DYNLL1: variants seen among roughly 807,000 people sequenced by gnomAD.
DYNLL1 encodes the protein dynein light chain 1, cytoplasmic.
DYNLL1 carries 3 observed loss-of-function variants against 10.1 expected under a neutral mutation model. The observed-to-expected ratio is 0.30, with a 90% CI of 0.14 to 0.77. The LOEUF (loss-of-function observed/expected upper bound fraction) is 0.77, where lower values mean the gene tolerates loss of function less well. DYNLL1 is among the 30% of genes least tolerant of loss of function. The pLI, the probability that DYNLL1 is intolerant of heterozygous loss-of-function variation, is 0.66. For missense variants in DYNLL1, 47 were observed against 111.7 expected (o/e 0.42, Z 2.61); for synonymous variants, 46 against 41.2 (o/e 1.12, Z -0.45).
At chr12:120,485,315 G>A (rs1878969652) in intron 1 of DYNLL1, among the ~76,000 whole-genome samples, 1 of 135,818 alleles carries the variant, frequency 7.4e-6, no homozygotes, top group African/African-American at 2.8e-5. Context: ...GGAGTGCAGT[G>A]GCACGATCTC....
chr12:120,491,889 C>T (rs1879140786), upstream of DYNLL1: 1 of 152,228 alleles, frequency 6.6e-6, no homozygotes, highest in Non-Finnish European at 1.5e-5. Context: ...ATCCATCCAA[C>T]ACATATTTAG....
intron 2 of DYNLL1, chr12:120,497,797 G>T (rs1313222823): frequency 7.5e-6 from 3 of 402,238 alleles, no homozygotes; most frequent in Non-Finnish European, 1.3e-5. Context: ...AAGGTATGAA[G>T]GTGTAATTAC....
rs779312787 is a variant in DYNLL1, at chr12:120,470,508, T to C, written c.-7+404T>C. On this transcript the variant is annotated intron_variant, in intron 1 of 2. Coordinates refer to the DYNLL1 transcript ENST00000392509. Reference sequence around the variant, plus strand: ...TTGATACAGGGTCTTATTCTGTTGCTCAGGCTGGAGTGCAATGGCGCGAAC... The same window carrying C: ...TTGATACAGGGTCTTATTCTGTTGCCCAGGCTGGAGTGCAATGGCGCGAAC... Among the ~76,000 whole-genome samples the C allele has an allele frequency of 9.9e-5, 15 of 152,156 alleles. 1 individual carries two copies. Among genetic ancestry groups the C allele is most frequent in the Non-Finnish European group, 2.1e-4 (14 of 68,030 alleles).
intron 1 of DYNLL1, among the ~76,000 whole-genome samples, chr12:120,476,702 C>T (rs1463609932): frequency 6.6e-6 from 1 of 152,036 alleles, no homozygotes; most frequent in African/African-American, 2.4e-5. Flanking sequence ...ACCTCCGCCT[C>T]CCAGGTTCAA....
At chr12:120,490,447 C>T (rs1376905435) in intron 1 of DYNLL1, 1 of 152,214 alleles carries the variant, frequency 6.6e-6, no homozygotes, top group Non-Finnish European at 1.5e-5. Context: ...TTGTTAGCTC[C>T]TAGAGCAGAC....
intron 2 of DYNLL1, chr12:120,496,920 C>A (rs1383031479): frequency 1.3e-5 from 3 of 232,082 alleles, no homozygotes; most frequent in Non-Finnish European, 1.7e-5. Context: ...GGGAGGAGAT[C>A]TTGCCAGCCT....
chr12:120,479,160 T>C (rs1878821348), intron 1 of DYNLL1, among the ~76,000 whole-genome samples: 3 of 143,250 alleles, frequency 2.1e-5, no homozygotes. Flanking sequence ...CAAGTCTCCG[T>C]GTAAAAAATA....
intron 1 of DYNLL1, among the ~76,000 whole-genome samples, chr12:120,476,305 T>TG (rs1878749722): frequency 1.1e-5 from 1 of 90,416 alleles, no homozygotes. Context: ...GGGAATTATC[T>TG]GGAGTTTTTT....
chr12:120,491,372 ATG>A (rs1879124120), upstream of DYNLL1: 1 of 152,550 alleles, frequency 6.6e-6, no homozygotes, highest in Non-Finnish European at 1.5e-5. Context: ...GCCCTTCTCC[ATG>A]GGGTGGAAGC....
At chr12:120,473,780 G>C (rs561124064) in intron 1 of DYNLL1, among the ~76,000 whole-genome samples, 2 of 151,708 alleles carry the variant, frequency 1.3e-5, no homozygotes, top group East Asian at 3.9e-4. Context: ...GAACTCTTGA[G>C]CTCAAGTGAT....
chr12:120,485,618 T>C (rs1014762585), intron 1 of DYNLL1, among the ~76,000 whole-genome samples: 14 of 151,410 alleles, frequency 9.2e-5, no homozygotes, highest in East Asian at 2.0e-4. Flanking sequence ...GGTGGGAGGA[T>C]TGCTTGAGCC....
At chr12:120,496,821 A>C (rs3916065) in intron 2 of DYNLL1, 178,950 of 597,876 alleles carry the variant, frequency 0.3, 28,920 homozygotes, top group East Asian at 0.49. Flanking sequence ...ATCAGGGAGC[A>C]GCGGTTCCCC....
At chr12:120,482,822 C>A (rs1318282139) in intron 1 of DYNLL1, among the ~76,000 whole-genome samples, 1 of 152,078 alleles carries the variant, frequency 6.6e-6, no homozygotes, top group Non-Finnish European at 1.5e-5. Context: ...ACAGCCCAGG[C>A]CAGACATGGG....
chr12:120,496,285 C>G (rs1217459482), intron 1 of DYNLL1, 69 bp downstream of exon 1: 1 of 1,370,698 alleles, frequency 7.3e-7, no homozygotes, highest in Non-Finnish European at 9.9e-7. Context: ...CTTAGCCCTC[C>G]GCGTAGCCCG....
At chr12:120,477,049 C>T (rs1304412396) in intron 1 of DYNLL1, among the ~76,000 whole-genome samples, 1 of 152,108 alleles carries the variant, frequency 6.6e-6, no homozygotes, top group Non-Finnish European at 1.5e-5. Flanking sequence ...CCTGCCTCAA[C>T]TTCCCAAGTA....
At chr12:120,473,437 T>TA (rs1345867575) in intron 1 of DYNLL1, among the ~76,000 whole-genome samples, 2 of 151,914 alleles carry the variant, frequency 1.3e-5, no homozygotes. Context: ...CTCATGCCTG[T>TA]AATCCCAGCA....
At chr12:120,496,957 T>G (rs1394904383) in intron 2 of DYNLL1, 17 of 69,382 alleles carry the variant, frequency 2.5e-4, no homozygotes, top group Middle Eastern at 4.5e-3. Flanking sequence ...GGGAAGGTGG[T>G]GGGTGGTGGC....
intron 1 of DYNLL1, chr12:120,470,232 G>T (rs1878614103): frequency 1.3e-5 from 2 of 152,302 alleles, no homozygotes; most frequent in African/African-American, 4.8e-5. Context: ...CTCTTAATGA[G>T]TATCACAGCG....
intron 1 of DYNLL1, among the ~76,000 whole-genome samples, chr12:120,481,870 CA>C (rs1878885801): frequency 1.3e-5 from 2 of 152,164 alleles, no homozygotes; most frequent in East Asian, 1.9e-4. Flanking sequence ...GTTTTAGAGA[CA>C]GGGGTCTCGC....
Sources: allele counts gnomAD v4.1 joint callset (sites outside exome capture counted in the v4.1 genomes callset), GRCh38; gene constraint gnomAD v4.1.1; transcripts MANE v1.5; gene names NCBI Gene and HGNC (gene_info 2026-07-23, HGNC 2026-07-21).